PRELID2: variants seen among roughly 807,000 people sequenced by gnomAD.
PRELID2 encodes the protein PRELI domain-containing protein 2.
Under a neutral mutation model 28.4 loss-of-function variants are expected in PRELID2, and 25 were observed. That is an observed-to-expected ratio of 0.88 (90% CI 0.64 to 1.23). The LOEUF is 1.23. PRELID2 is among the 50% of genes most tolerant of loss of function. The pLI is 0.00. For synonymous variants in PRELID2, 76 were observed against 71.6 expected, an observed-to-expected ratio of 1.06 and a Z score of -0.31; for missense variants, 201 against 214.4, an observed-to-expected ratio of 0.94 and a Z score of 0.39.
chr5:145,401,118 G>T, the PRELID2 span, among the ~76,000 whole-genome samples: 2 of 152,078 alleles, frequency 1.3e-5, no homozygotes, highest in Non-Finnish European at 2.9e-5. Context: ...TGCTTGAAGG[G>T]ATACAGCCAA....
At chr5:145,233,404 T>A in the PRELID2 span, among the ~76,000 whole-genome samples, 1 of 152,086 alleles carries the variant, frequency 6.6e-6, no homozygotes, top group African/African-American at 2.4e-5. Context: ...AGGTAGAACA[T>A]TGTTTTCAGA....
chr5:145,699,528 C>A (rs1422823805), intron 1 of PRELID2, among the ~76,000 whole-genome samples: 1 of 152,232 alleles, frequency 6.6e-6, no homozygotes, highest in East Asian at 1.9e-4. Context: ...GAGCTTTCCA[C>A]TGACCCATGA....
the PRELID2 span, among the ~76,000 whole-genome samples, chr5:145,283,878 G>A: frequency 2.0e-5 from 3 of 152,124 alleles, no homozygotes; most frequent in Non-Finnish European, 4.4e-5. Flanking sequence ...ACTACATTCA[G>A]TAAGCTCTTA....
At chr5:145,669,286 T>C (rs1754657235) in intron 1 of PRELID2, among the ~76,000 whole-genome samples, 1 of 152,094 alleles carries the variant, frequency 6.6e-6, no homozygotes, top group Non-Finnish European at 1.5e-5. Flanking sequence ...TGAACAGTAA[T>C]GGTCATTGCA....
intron 1 of PRELID2, among the ~76,000 whole-genome samples, chr5:145,711,036 G>A (rs1755680019): frequency 6.6e-6 from 1 of 152,242 alleles, no homozygotes; most frequent in South Asian, 2.1e-4. Context: ...ACTTATCTTT[G>A]TTTACACCCC....
At chr5:145,470,252 C>A (rs1005310855), downstream of PRELID2, among the ~76,000 whole-genome samples, 9 of 152,036 alleles carry the variant, frequency 5.9e-5, no homozygotes, top group African/African-American at 2.2e-4. Flanking sequence ...AATATATAAA[C>A]AAGAGAGCAT....
intron 1 of PRELID2, chr5:145,728,473 G>A: frequency 1.5e-6 from 1 of 658,066 alleles, no homozygotes; most frequent in Non-Finnish European, 2.8e-6. Flanking sequence ...GAAGGGAACA[G>A]GAAGTGTTCT....
the PRELID2 span, among the ~76,000 whole-genome samples, chr5:145,266,479 C>G: frequency 6.6e-6 from 1 of 151,806 alleles, no homozygotes; most frequent in Non-Finnish European, 1.5e-5. Context: ...CAAATCAAAA[C>G]CACCATGTGA....
chr5:145,741,239 T>C (rs1348958020), intron 1 of PRELID2, among the ~76,000 whole-genome samples: 1 of 112,860 alleles, frequency 8.9e-6, no homozygotes, highest in Non-Finnish European at 1.6e-5. Flanking sequence ...ATATATAATA[T>C]AAATATATAA....
At chr5:145,334,425 A>C in the PRELID2 span, among the ~76,000 whole-genome samples, 1 of 152,218 alleles carries the variant, frequency 6.6e-6, no homozygotes, top group South Asian at 2.1e-4. Flanking sequence ...GTCATGTAAT[A>C]TATTATTGTT....
the PRELID2 span, among the ~76,000 whole-genome samples, chr5:145,343,405 C>T: frequency 6.6e-6 from 1 of 151,198 alleles, no homozygotes; most frequent in Non-Finnish European, 1.5e-5. Flanking sequence ...GGGAATTAAG[C>T]AACATGCTCC....
rs575805308 is a variant in PRELID2, at chr5:145,727,379, A to C, written n.70+37552T>G. Among the ~76,000 whole-genome samples the C allele has an allele frequency of 7.2e-5, 11 of 152,258 alleles. 1 individual carries two copies. In the East Asian group the frequency reaches 1.5e-3, roughly 21 times the overall value. On this transcript the variant is annotated intron_variant and non_coding_transcript_variant, in intron 1 of 2. Transcript: ENST00000510259. ...CCTTTAGCACAGAGCTTGGTGTTCC[A>C]AAGGCCATGAGGGGTTTTAGACCCT...
chr5:145,302,591 T>C, the PRELID2 span, among the ~76,000 whole-genome samples: 3 of 152,066 alleles, frequency 2.0e-5, no homozygotes, highest in Non-Finnish European at 4.4e-5. Flanking sequence ...TTAGCCAATA[T>C]TCTTTTTTAT....
At chr5:145,646,475 G>C (rs1309927266) in intron 1 of PRELID2, among the ~76,000 whole-genome samples, 1 of 152,068 alleles carries the variant, frequency 6.6e-6, no homozygotes, top group African/African-American at 2.4e-5. Context: ...CATTTGGTTA[G>C]AACATACTCC....
At chr5:145,435,926 C>A in the PRELID2 span, among the ~76,000 whole-genome samples, 1 of 152,036 alleles carries the variant, frequency 6.6e-6, no homozygotes, top group African/African-American at 2.4e-5. Flanking sequence ...ACCTAACTTA[C>A]AAGATTTTTA....
the PRELID2 span, among the ~76,000 whole-genome samples, chr5:145,258,105 A>G: frequency 1.3e-5 from 2 of 152,186 alleles, no homozygotes; most frequent in Non-Finnish European, 2.9e-5. Context: ...CCTGAGAAGC[A>G]GATGCTGCTA....
intron 1 of PRELID2, among the ~76,000 whole-genome samples, chr5:145,646,637 C>A (rs1754200473): frequency 6.6e-6 from 1 of 152,180 alleles, no homozygotes; most frequent in Admixed American, 6.5e-5. Flanking sequence ...GAATTTTCAG[C>A]CTTTTTGCAC....
chr5:145,665,906 T>A (rs1281224228), intron 1 of PRELID2, among the ~76,000 whole-genome samples: 2 of 151,646 alleles, frequency 1.3e-5, no homozygotes, highest in Non-Finnish European at 2.9e-5. Flanking sequence ...CATAGTCATA[T>A]TAATGAGAAA....
the PRELID2 span, among the ~76,000 whole-genome samples, chr5:145,316,002 C>A: frequency 2.0e-5 from 3 of 152,104 alleles, no homozygotes; most frequent in Non-Finnish European, 2.9e-5. Flanking sequence ...ATTTACCTCT[C>A]TTGTATCTAT....
Sources: gnomAD v4.1 joint callset for allele counts (sites outside exome capture counted in the v4.1 genomes callset) on GRCh38, gnomAD v4.1.1 for gene constraint, MANE v1.5 for transcripts, NCBI Gene and HGNC (gene_info 2026-07-23, HGNC 2026-07-21) for gene names.